PCDHA2: variants seen among roughly 807,000 people sequenced by gnomAD.
PCDHA2 encodes the protein protocadherin alpha 2, also known as protocadherin alpha-2.
A neutral mutation model predicts 66.0 loss-of-function variants in PCDHA2; 58 were observed. The ratio of observed to expected loss-of-function variants is 0.88; its 90% CI spans 0.71 to 1.09. The LOEUF (loss-of-function observed/expected upper bound fraction) is 1.09. PCDHA2 is among the 50% of genes least tolerant of loss of function. The pLI is 0.00. For synonymous variants in PCDHA2, 634 were observed against 554.0 expected (o/e 1.14, Z -2.03); for missense variants, 1,267 against 1,242.3 (o/e 1.02, Z -0.30).
At chr5:140,838,842 A>G (rs1775908349) in intron 1 of PCDHA2, among the ~76,000 whole-genome samples, 1 of 151,970 alleles carries the variant, frequency 6.6e-6, no homozygotes. Flanking sequence ...GGATCACTTA[A>G]GCCAGGGAGG....
chr5:140,824,002 G>T (rs1554129685), intron 1 of PCDHA2: 7 of 1,614,092 alleles, frequency 4.3e-6, no homozygotes, highest in Non-Finnish European at 5.9e-6. Flanking sequence ...GTGCTCCAGC[G>T]CGGTGGGGAG....
intron 1 of PCDHA2, chr5:140,856,196 G>T: frequency 6.3e-7 from 1 of 1,598,194 alleles, no homozygotes; most frequent in Non-Finnish European, 8.6e-7. Flanking sequence ...CATCGCGCAG[G>T]ACCTGGGGCT....
At chr5:140,987,119 CAGG>C (rs1258206409) in intron 3 of PCDHA2, among the ~76,000 whole-genome samples, 2 of 151,448 alleles carry the variant, frequency 1.3e-5, no homozygotes, top group Non-Finnish European at 2.9e-5. Flanking sequence ...GAGGCTGAGG[CAGG>C]AGAATTGCTT....
chr5:140,852,464 G>A (rs2042343085), intron 1 of PCDHA2: 1 of 189,256 alleles, frequency 5.3e-6, no homozygotes, highest in Non-Finnish European at 1.1e-5. Context: ...TTTTAGTAGA[G>A]ATGGGGTTTC....
chr5:140,981,685 C>T (rs369964011), intron 2 of PCDHA2, among the ~76,000 whole-genome samples: 1 of 152,048 alleles, frequency 6.6e-6, no homozygotes, highest in African/African-American at 2.4e-5. Flanking sequence ...TTCCTCCCTT[C>T]CATCATTCAT....
chr5:140,873,436 A>G (rs1159512158), intron 1 of PCDHA2, among the ~76,000 whole-genome samples: 1 of 152,214 alleles, frequency 6.6e-6, no homozygotes, highest in Non-Finnish European at 1.5e-5. Flanking sequence ...TTTATATCAC[A>G]TAAATAACAA....
intron 1 of PCDHA2, chr5:140,851,337 C>A: frequency 1.0e-6 from 1 of 979,030 alleles, no homozygotes; most frequent in Non-Finnish European, 1.2e-6. Flanking sequence ...TAGTTCTCTA[C>A]ATTTCTCTGG....
At position 140,980,488 on chromosome 5, in the gene PCDHA2, G is replaced by A. The variant is rs372283383; in HGVS notation, c.2447+1481G>A. Among the ~76,000 whole-genome samples, 12 of 152,250 alleles carry A rather than the reference G, an allele frequency of 7.9e-5. No individual in the cohort carries two copies. The East Asian group carries it at 1.9e-3, about 25-fold the overall frequency. Reference sequence around the variant, plus strand: ...CTACTAAAAATACAAAAATTAGCTGGGCGTGATGGCATGTGCCTGTAGTTC... The same window carrying A: ...CTACTAAAAATACAAAAATTAGCTGAGCGTGATGGCATGTGCCTGTAGTTC... On this transcript the variant is annotated intron_variant, in intron 2 of 3. Transcript: ENST00000526136.
At position 140,842,829 on chromosome 5, in the gene PCDHA2, C is replaced by T. The variant is rs2150345601; in HGVS notation, c.2388+45477C>T. On this transcript the variant is annotated intron_variant, in intron 1 of 3. Transcript: ENST00000526136. Reference sequence around the variant, plus strand: ...GTGGAGCGGCGGGTGGGCGAGCGCTCGCTGTCGAGCTACATTTCGGTGCAC... The same window carrying T: ...GTGGAGCGGCGGGTGGGCGAGCGCTTGCTGTCGAGCTACATTTCGGTGCAC... 6.9e-5 allele frequency: 110 copies of T among 1,593,636 alleles called. 11 individuals carry two copies. The highest frequency in any genetic ancestry group is 9.4e-5 in the Non-Finnish European group (109 of 1,165,332).
At chr5:140,996,832 T>G (rs1338616787) in intron 3 of PCDHA2, among the ~76,000 whole-genome samples, 1 of 152,212 alleles carries the variant, frequency 6.6e-6, no homozygotes, top group African/African-American at 2.4e-5. Flanking sequence ...TACCAATAAT[T>G]TAGCGTGCAT....
At chr5:140,835,885 A>G in intron 1 of PCDHA2, 3 of 1,611,866 alleles carry the variant, frequency 1.9e-6, no homozygotes, top group Non-Finnish European at 2.5e-6. Flanking sequence ...CGGGTGGGCG[A>G]GCGCGCGCTG....
intron 3 of PCDHA2, among the ~76,000 whole-genome samples, chr5:141,002,246 C>T (rs1217451636): frequency 6.6e-6 from 1 of 152,190 alleles, no homozygotes; most frequent in Non-Finnish European, 1.5e-5. Flanking sequence ...CTTTATTAAC[C>T]TCAGCACTGA....
At chr5:140,966,703 G>T in intron 1 of PCDHA2, 1 of 1,376,398 alleles carries the variant, frequency 7.3e-7, no homozygotes, top group South Asian at 1.7e-5. Flanking sequence ...CCCGGGCGTG[G>T]GGCACGGCTG....
intron 1 of PCDHA2, among the ~76,000 whole-genome samples, chr5:140,904,555 C>A (rs1345633704): frequency 6.6e-6 from 1 of 151,632 alleles, no homozygotes. Flanking sequence ...CATATAATGA[C>A]TTTTTTTTCC....
chr5:140,805,249 A>G, intron 1 of PCDHA2: 1 of 1,313,262 alleles, frequency 7.6e-7, no homozygotes, highest in Non-Finnish European at 9.7e-7. Flanking sequence ...TCTGTACATT[A>G]AAATACCTGG....
At chr5:140,802,104 A>T in intron 1 of PCDHA2, 1 of 1,614,238 alleles carries the variant, frequency 6.2e-7, no homozygotes, top group South Asian at 1.1e-5. Context: ...TGGACAAATC[A>T]GTGTAAAGGG....
At chr5:140,967,547 A>T in intron 1 of PCDHA2, 1 of 1,613,890 alleles carries the variant, frequency 6.2e-7, no homozygotes, top group Non-Finnish European at 8.5e-7. Flanking sequence ...TGACCAGTCC[A>T]CTTATCGCGT....
chr5:140,879,390 A>T (rs2057972127), intron 1 of PCDHA2, among the ~76,000 whole-genome samples: 1 of 152,202 alleles, frequency 6.6e-6, no homozygotes, highest in Admixed American at 6.5e-5. Context: ...TTGGAGAAAC[A>T]GTTTGTGTGT....
chr5:140,794,954 G>A lies in PCDHA2; in HGVS notation c.-11G>A, dbSNP rs200496656. 1.5e-4 allele frequency: 240 copies of A among 1,597,164 alleles called. No homozygotes were observed. Among genetic ancestry groups the A allele is most frequent in the Non-Finnish European group, 2.0e-4 (232 of 1,172,968 alleles). ...GCTCTTCTAATTTGATCAAAACATT[G>A]AGGATTGGTAATGGCGTCTTCTATC... On this transcript the variant is annotated 5_prime_UTR_variant, in exon 1 of 4. Transcript: ENST00000526136.
Sources: gnomAD v4.1 joint callset for allele counts (sites outside exome capture counted in the v4.1 genomes callset) on GRCh38, gnomAD v4.1.1 for gene constraint, MANE v1.5 for transcripts, NCBI Gene and HGNC (gene_info 2026-07-23, HGNC 2026-07-21) for gene names.